The following LEPR variants were observed in gnomAD, a reference collection of about 807,000 sequenced individuals.
LEPR encodes the protein leptin receptor, also known as OB receptor.
A neutral mutation model predicts 114.7 loss-of-function variants in LEPR; 56 were observed. That is an observed-to-expected ratio of 0.49 (90% CI 0.39 to 0.61). LEPR has a LOEUF of 0.61. Ranked by LOEUF, LEPR falls within the 20% of genes least tolerant of loss-of-function variation. LEPR has a pLI of 0.00. For synonymous variants in LEPR, 443 were observed against 461.4 expected (o/e 0.96, Z 0.51); for missense variants, 1,202 against 1,352.9 (o/e 0.89, Z 1.75).
At chr1:65,440,107 TTAAA>T (rs1570452878) in intron 2 of LEPR, among the ~76,000 whole-genome samples, 1 of 151,854 alleles carries the variant, frequency 6.6e-6, no homozygotes, top group East Asian at 1.9e-4. Flanking sequence ...GTGGTGCTAT[TTAAA>T]TAGGGTGGAT....
chr1:65,601,332 G>C (rs1332312737), intron 8 of LEPR, 60 bp from the exon 9 acceptor site: 7 of 1,583,116 alleles, frequency 4.4e-6, no homozygotes, highest in Non-Finnish European at 5.2e-6. Context: ...TTTCGATGTG[G>C]TACAAATTAC....
At chr1:65,463,101 T>C (rs1478854905) in intron 2 of LEPR, among the ~76,000 whole-genome samples, 4 of 152,162 alleles carry the variant, frequency 2.6e-5, no homozygotes, top group Non-Finnish European at 5.9e-5. Flanking sequence ...AGTACCTAGG[T>C]TTTCTTCTAG....
chr1:65,474,822 A>G (rs879792061), intron 2 of LEPR, among the ~76,000 whole-genome samples: 10 of 152,012 alleles, frequency 6.6e-5, no homozygotes, highest in African/African-American at 1.2e-4. Context: ...CCTGACCAAC[A>G]TAGTGAAACC....
rs150026062 is a variant in LEPR, at chr1:65,425,348, T to G, written c.-51T>G. ...AGTGGGGCTATTGGACTGACTTTTC[T>G]TATGCTGGGATGTGCCTTAGAGGAT... On this transcript the variant is annotated 5_prime_UTR_variant, in exon 2 of 20. Transcript: ENST00000349533. 4.8e-4 allele frequency: 779 copies of G among 1,607,058 alleles called. 1 individual carries two copies. The highest frequency in any genetic ancestry group is 7.0e-4 in the Admixed American group (40 of 57,392).
In LEPR at chr1:65,572,290, GTTTTTT is replaced by G. The variant is rs747467075; in HGVS notation, c.371-14_371-9del. Reference sequence around the variant, plus strand: ...ATGGTTTTTGAGATTTCATGTAGTTGTTTTTTTTTTTTTTTTTTTTTTTTTTTAAAT... The same window carrying G: ...ATGGTTTTTGAGATTTCATGTAGTTGTTTTTTTTTTTTTTTTTTTTTAAAT... On this transcript the variant is annotated intron_variant, in intron 4 of 19. Coordinates refer to ENST00000349533, the MANE Select transcript of LEPR (RefSeq NM_002303.6). The G allele has an allele frequency of 4.6e-4, 367 of 799,462 alleles. No homozygotes were observed. The African/African-American group carries it at 7.8e-3, about 17-fold the overall frequency. The allele number at this position is 799,462 out of a possible 1,614,324, so 49.5% of individuals were successfully genotyped here.
intron 6 of LEPR, 136 bp downstream of exon 6, chr1:65,593,001 G>T: frequency 2.1e-6 from 2 of 936,562 alleles, no homozygotes; most frequent in South Asian, 1.5e-5. Flanking sequence ...TAGTACTGGG[G>T]GTATTAAGAG....
intron 2 of LEPR, among the ~76,000 whole-genome samples, chr1:65,483,732 C>T (rs568807257): frequency 2.0e-5 from 3 of 152,198 alleles, no homozygotes; most frequent in African/African-American, 4.8e-5. Context: ...TCCCTCTTAC[C>T]GGAATATCCA....
At chr1:65,481,796 T>G (rs1647247385) in intron 2 of LEPR, among the ~76,000 whole-genome samples, 1 of 150,422 alleles carries the variant, frequency 6.6e-6, no homozygotes, top group East Asian at 1.9e-4. Flanking sequence ...AGACACATTA[T>G]CTTTCAGGTA....
intron 1 of LEPR, chr1:65,421,475 AT>A (rs1340303523): frequency 6.5e-7 from 1 of 1,536,108 alleles, no homozygotes; most frequent in Non-Finnish European, 8.7e-7. Flanking sequence ...AAAACATTCC[AT>A]TTCTAATCTG....
intron 19 of LEPR, among the ~76,000 whole-genome samples, chr1:65,632,789 C>T (rs952064390): frequency 1.3e-5 from 2 of 151,826 alleles, no homozygotes; most frequent in Non-Finnish European, 2.9e-5. Context: ...CACTGCTCTC[C>T]TCTTTTATTT....
chr1:65,604,098 A>G (rs72683129), intron 10 of LEPR, among the ~76,000 whole-genome samples: 14,130 of 152,006 alleles, frequency 0.093, 850 homozygotes, highest in Non-Finnish European at 0.14. Flanking sequence ...TCACTAATAC[A>G]TAATGTTTGT....
At chr1:65,497,581 C>A (rs1047860002) in intron 2 of LEPR, among the ~76,000 whole-genome samples, 2 of 152,048 alleles carry the variant, frequency 1.3e-5, no homozygotes, top group South Asian at 4.1e-4. Context: ...CATCCCTTTG[C>A]CCTAATCGTA....
intron 2 of LEPR, among the ~76,000 whole-genome samples, chr1:65,466,672 T>C (rs12086650): frequency 0.086 from 13,063 of 152,238 alleles, 851 homozygotes; most frequent in African/African-American, 0.18. Flanking sequence ...CAATCAGATG[T>C]AGATTTGGTC....
intron 2 of LEPR, among the ~76,000 whole-genome samples, chr1:65,553,606 G>T (rs920292136): frequency 1.3e-5 from 2 of 151,806 alleles, no homozygotes; most frequent in Non-Finnish European, 2.9e-5. Flanking sequence ...TTTCTAGTTC[G>T]CAATTCCTCT....
chr1:65,524,946 A>T (rs1307396358), intron 2 of LEPR, among the ~76,000 whole-genome samples: 8 of 152,228 alleles, frequency 5.3e-5, no homozygotes, highest in African/African-American at 1.9e-4. Context: ...ATGTCTATTT[A>T]CTTTGGAGTT....
At chr1:65,604,734 G>A (rs1656698922) in intron 10 of LEPR, among the ~76,000 whole-genome samples, 1 of 152,204 alleles carries the variant, frequency 6.6e-6, no homozygotes, top group South Asian at 2.1e-4. Flanking sequence ...ATTACCACCT[G>A]CGCTCCACCT....
Position 65,449,473 on chromosome 1 carries a change from A to T in LEPR, c.-21+24095A>T, listed in dbSNP as rs555121766. On this transcript the variant is annotated intron_variant, in intron 2 of 19. Coordinates refer to ENST00000349533, the MANE Select transcript of LEPR (RefSeq NM_002303.6). ...GCAGCCGCAGGAAGGGTAGGCTGGGAGGGGCTGCCATGGCTGTTCACTTGG... is the reference window on the plus strand; with the variant it reads ...GCAGCCGCAGGAAGGGTAGGCTGGGTGGGGCTGCCATGGCTGTTCACTTGG... 1.3e-4 allele frequency among the ~76,000 whole-genome samples: 20 copies of T among 151,908 alleles called. No individual in the cohort carries two copies. In the East Asian group the frequency reaches 3.1e-3, roughly 24 times the overall value.
intron 2 of LEPR, among the ~76,000 whole-genome samples, chr1:65,533,851 G>T (rs769929973): frequency 6.6e-6 from 1 of 152,000 alleles, no homozygotes; most frequent in Non-Finnish European, 1.5e-5. Flanking sequence ...AGCCTATTTT[G>T]TATGATATTG....
intron 2 of LEPR, among the ~76,000 whole-genome samples, chr1:65,456,017 A>T (rs1330521244): frequency 6.6e-6 from 1 of 152,152 alleles, no homozygotes; most frequent in Non-Finnish European, 1.5e-5. Flanking sequence ...GGAAAAGCAC[A>T]GTATTCGGGT....
Sources: gnomAD v4.1 joint callset for allele counts (sites outside exome capture counted in the v4.1 genomes callset) on GRCh38, gnomAD v4.1.1 for gene constraint, MANE v1.5 for transcripts, NCBI Gene and HGNC (gene_info 2026-07-23, HGNC 2026-07-21) for gene names.